The following DLC1 variants were observed in gnomAD, a reference collection of about 807,000 sequenced individuals.
DLC1 encodes the protein DLC1 Rho GTPase activating protein, also known as rho GTPase-activating protein 7.
In DLC1, 54 loss-of-function variants were observed where a neutral mutation model predicts 140.3. The ratio of observed to expected loss-of-function variants is 0.38; its 90% CI spans 0.31 to 0.48. The LOEUF is 0.48. Ranked by LOEUF, DLC1 falls within the 20% of genes least tolerant of loss-of-function variation. DLC1 has a pLI of 0.96. For synonymous variants in DLC1, 986 were observed against 728.1 expected (o/e 1.35, Z -5.70); for missense variants, 2,536 against 1,907.0 (o/e 1.33, Z -6.14).
intron 5 of DLC1, among the ~76,000 whole-genome samples, chr8:13,192,192 C>T (rs1826796353): frequency 6.6e-6 from 1 of 152,016 alleles, no homozygotes; most frequent in Non-Finnish European, 1.5e-5. Flanking sequence ...CTCAGGTGAT[C>T]TGCCGGCCTC....
At chr8:13,570,251 C>G in intron 1 of DLC1, among the ~76,000 whole-genome samples, 1 of 151,870 alleles carries the variant, frequency 6.6e-6, no homozygotes, top group African/African-American at 2.4e-5. Context: ...TCTTTTGTGT[C>G]ACTATGGTTT....
intron 4 of DLC1, chr8:13,342,300 G>C (rs746504880): frequency 6.6e-6 from 1 of 152,146 alleles, no homozygotes; most frequent in Non-Finnish European, 1.5e-5. Flanking sequence ...TTTGGAGAAA[G>C]CTCTGAAAAA....
chr8:13,158,749 C>A (rs773868873), intron 5 of DLC1, among the ~76,000 whole-genome samples: 7,452 of 102,336 alleles, frequency 0.073, 1,183 homozygotes, highest in African/African-American at 0.17. Flanking sequence ...CCCCCCCCCG[C>A]CCGCCACACA....
At chr8:13,603,852 C>T (rs73213951) in intron 1 of DLC1, among the ~76,000 whole-genome samples, 15 of 152,078 alleles carry the variant, frequency 9.9e-5, no homozygotes, top group African/African-American at 1.2e-4. Flanking sequence ...GTTGATTAAG[C>T]GGCTCTGAAT....
intron 5 of DLC1, among the ~76,000 whole-genome samples, chr8:13,169,800 G>A (rs1201956791): frequency 6.6e-5 from 10 of 152,064 alleles, no homozygotes; most frequent in Non-Finnish European, 1.2e-4. Context: ...AAGGTGGGGG[G>A]GTTGTTTAAG....
intron 4 of DLC1, among the ~76,000 whole-genome samples, chr8:13,383,190 A>G (rs1326597556): frequency 2.0e-5 from 3 of 152,190 alleles, no homozygotes; most frequent in Admixed American, 2.0e-4. Context: ...CAACCCCAGG[A>G]AGCGGTATGA....
chr8:13,482,248 G>C (rs1800770934), intron 2 of DLC1, among the ~76,000 whole-genome samples: 1 of 152,124 alleles, frequency 6.6e-6, no homozygotes, highest in Non-Finnish European at 1.5e-5. Context: ...TAATTAATAT[G>C]TATGTATATA....
chr8:13,285,663 G>A (rs1831513785), intron 5 of DLC1, among the ~76,000 whole-genome samples: 1 of 152,164 alleles, frequency 6.6e-6, no homozygotes, highest in Admixed American at 6.5e-5. Context: ...GTGTTGGAGA[G>A]AATGTGGAGC....
chr8:13,216,212 T>C (rs188063543), intron 5 of DLC1, among the ~76,000 whole-genome samples: 9 of 152,206 alleles, frequency 5.9e-5, no homozygotes, highest in Non-Finnish European at 1.2e-4. Context: ...ACTTTGTATT[T>C]TCAGTGATGA....
At position 13,221,096 on chromosome 8, in the gene DLC1, C is replaced by A. The variant is rs533989240; in HGVS notation, c.1348+84173G>T. Among the ~76,000 whole-genome samples, 3 of 152,288 alleles carry A rather than the reference C, an allele frequency of 2.0e-5. No individual in the cohort carries two copies. In the South Asian group the frequency reaches 6.2e-4, roughly 32 times the overall value. Reference sequence around the variant, plus strand: ...TATCTTTTGAGTCTTCAGTTTTTAGCCACTTTCAACTCATTGGGTTTTCTC... The same window carrying A: ...TATCTTTTGAGTCTTCAGTTTTTAGACACTTTCAACTCATTGGGTTTTCTC... On this transcript the variant is annotated intron_variant, in intron 5 of 17. Transcript: ENST00000276297.
chr8:13,443,648 A>G (rs1237895176), intron 2 of DLC1, among the ~76,000 whole-genome samples: 1 of 136,066 alleles, frequency 7.3e-6, no homozygotes, highest in Non-Finnish European at 1.5e-5. Flanking sequence ...ACACAGCGAG[A>G]CTCCGTCTCA....
chr8:13,156,201 T>C (rs2128981294), intron 5 of DLC1, among the ~76,000 whole-genome samples: 1 of 152,316 alleles, frequency 6.6e-6, no homozygotes, highest in African/African-American at 2.4e-5. Context: ...TTATTAAGCT[T>C]ACTGTTAACA....
At chr8:13,165,347 T>C (rs75054827) in intron 5 of DLC1, among the ~76,000 whole-genome samples, 4,217 of 152,220 alleles carry the variant, frequency 0.028, 95 homozygotes, top group African/African-American at 0.06. Flanking sequence ...AGGGAATAAG[T>C]AGGCAAGGAA....
chr8:13,475,805 A>G (rs1800409601), intron 2 of DLC1, among the ~76,000 whole-genome samples: 1 of 152,178 alleles, frequency 6.6e-6, no homozygotes, highest in South Asian at 2.1e-4. Context: ...CAAGAACTGA[A>G]CTTGTGATGG....
At chr8:13,540,206 A>G (rs930014561) in intron 1 of DLC1, among the ~76,000 whole-genome samples, 1 of 152,220 alleles carries the variant, frequency 6.6e-6, no homozygotes, top group South Asian at 2.1e-4. Flanking sequence ...AAGTCAATAA[A>G]TAGGTGGTCC....
At chr8:13,112,314 T>C (rs1820182836) in intron 6 of DLC1, among the ~76,000 whole-genome samples, 1 of 152,214 alleles carries the variant, frequency 6.6e-6, no homozygotes, top group Admixed American at 6.5e-5. Context: ...TTGTTTCTTA[T>C]GATTACTGGT....
rs573394499 is a variant in DLC1, at chr8:13,125,250, T to TACAG, written c.1349-9597_1349-9594dup. 7.2e-3 allele frequency among the ~76,000 whole-genome samples: 1,104 copies of TACAG among 152,348 alleles called. 15 individuals are homozygous for TACAG. The highest frequency in any genetic ancestry group is 0.025 in the African/African-American group (1,042 of 41,580). ...CCTTGGCCTCCCAAAGTGCTGGGAT[T>TACAG]ACAGGCATGAGCCACCAAACCTGGC... On this transcript the variant is annotated intron_variant, in intron 5 of 17. Coordinates refer to ENST00000276297, the MANE Select transcript of DLC1 (RefSeq NM_182643.3).
At chr8:13,473,721 C>A (rs1332075518) in intron 2 of DLC1, among the ~76,000 whole-genome samples, 1 of 152,078 alleles carries the variant, frequency 6.6e-6, no homozygotes, top group Non-Finnish European at 1.5e-5. Flanking sequence ...GGAACTGGAA[C>A]AAAGGTGACT....
intron 1 of DLC1, among the ~76,000 whole-genome samples, chr8:13,589,410 G>A (rs185954974): frequency 1.8e-4 from 27 of 152,226 alleles, no homozygotes; most frequent in Non-Finnish European, 3.4e-4. Flanking sequence ...AATTCTAGTA[G>A]ACCTTTCTGA....
Sources: gnomAD v4.1 joint callset for allele counts (sites outside exome capture counted in the v4.1 genomes callset) on GRCh38, gnomAD v4.1.1 for gene constraint, MANE v1.5 for transcripts, NCBI Gene and HGNC (gene_info 2026-07-23, HGNC 2026-07-21) for gene names.